Variants in DNAH10 observed in about 807,000 individuals in gnomAD.
DNAH10 encodes the protein axonemal beta dynein heavy chain 10.
Under a neutral mutation model 506.6 loss-of-function variants are expected in DNAH10, and 348 were observed. That is an observed-to-expected ratio of 0.69 (90% CI 0.63 to 0.75). DNAH10 has a LOEUF of 0.75. DNAH10 is among the 30% of genes least tolerant of loss of function. The probability of loss-of-function intolerance (pLI) is 0.00; values close to 1 mark genes in which losing one functional copy is unlikely to be tolerated. For synonymous variants in DNAH10, 2,059 were observed against 2,198.6 expected (o/e 0.94, Z 1.78); for missense variants, 5,179 against 5,787.1 (o/e 0.89, Z 3.41).
At chr12:123,837,744 TAA>T in intron 28 of DNAH10, among the ~76,000 whole-genome samples, 1 of 144,618 alleles carries the variant, frequency 6.9e-6, no homozygotes, top group Middle Eastern at 3.5e-3. Context: ...CCGGCTAACT[TAA>T]AAAAAAAAAA....
chr12:123,818,698 T>A (rs1375358013), intron 21 of DNAH10, among the ~76,000 whole-genome samples: 1 of 152,134 alleles, frequency 6.6e-6, no homozygotes, highest in African/African-American at 2.4e-5. Flanking sequence ...CCCAGGCTGG[T>A]CTCAAACTCC....
rs781403306 is a variant in DNAH10, at chr12:123,879,269, A to G, written c.8378A>G (p.Gln2793Arg). The G allele has an allele frequency of 5.7e-6, 9 of 1,572,956 alleles. No homozygotes were observed. The highest frequency in any genetic ancestry group is 7.8e-6 in the Non-Finnish European group (9 of 1,158,502). ...GLVLTNPERF[Q>R]TVAQMVRVWR... Reference sequence around the variant, plus strand: ...TTGTCCCTTCCATTCTGCAGATTCCAGACGGTGGCCCAGATGGTGAGAGTC... The same window carrying G: ...TTGTCCCTTCCATTCTGCAGATTCCGGACGGTGGCCCAGATGGTGAGAGTC... Residue 2793 changes from glutamine to arginine, a missense_variant, in exon 49 of 79, where the codon CAG (glutamine) becomes CGG (arginine). Coordinates refer to ENST00000673944, the MANE Select transcript of DNAH10 (RefSeq NM_001372106.1).
intron 52 of DNAH10, 51 bp downstream of exon 52, chr12:123,887,364 AG>A (rs1413328293): frequency 1.3e-6 from 2 of 1,568,138 alleles, no homozygotes; most frequent in Non-Finnish European, 1.7e-6. Context: ...TCAGCTCTTA[AG>A]GGAGTTCACT....
rs575594327 is a variant in DNAH10, at chr12:123,792,105, C to G, written c.1816-1837C>G. ...TCCCATTTGCCTCTCTGTCATCTAA[C>G]ACAGTTTCTTCATAACTTTTAGTTA... On this transcript the variant is annotated intron_variant, in intron 11 of 78. Coordinates refer to ENST00000673944, the MANE Select transcript of DNAH10 (RefSeq NM_001372106.1). 7.2e-5 allele frequency among the ~76,000 whole-genome samples: 11 copies of G among 152,312 alleles called. No homozygotes were observed. In the South Asian group the frequency reaches 1.9e-3, roughly 26 times the overall value.
In DNAH10 at chr12:123,935,349, C is replaced by G; in HGVS notation, c.13638C>G (p.Thr4546=). ...TTCCCTTGCAGAATACTTTCCGGAC[C>G]CCCGTCTACACCACCTCCATGAGAA... The part of the protein sequence containing the change: ...HRLKLQNTFR[T]PVYTTSMRRN... Residue 4546 remains threonine (T), a synonymous_variant, in exon 79 of 79, where the codon ACC becomes ACG. Transcript: ENST00000673944. The G allele has an allele frequency of 1.2e-6, 2 of 1,605,204 alleles. No individual in the cohort carries two copies. The highest frequency in any genetic ancestry group is 1.7e-6 in the Non-Finnish European group (2 of 1,172,322).
chr12:123,838,388 G>T, intron 28 of DNAH10, 68 bp from the exon 29 acceptor site: 1 of 1,432,678 alleles, frequency 7.0e-7, no homozygotes, highest in Non-Finnish European at 9.6e-7. Context: ...GCCTGTTCTG[G>T]GCTCAAGAAC....
chr12:123,858,490 A>G (rs1378523210), intron 37 of DNAH10, among the ~76,000 whole-genome samples: 1 of 152,214 alleles, frequency 6.6e-6, no homozygotes, highest in Non-Finnish European at 1.5e-5. Context: ...TGGAAGGAAT[A>G]TAAAATGGTG....
Position 123,914,835 on chromosome 12 carries a change from A to G in DNAH10, c.10575-17A>G, listed in dbSNP as rs370332816. On this transcript the variant is annotated splice_polypyrimidine_tract_variant and intron_variant, in intron 61 of 78. Coordinates refer to ENST00000673944, the MANE Select transcript of DNAH10 (RefSeq NM_001372106.1). ...ATTGGTGAGAAAAATTCATTTCCCA[A>G]TGGCTGTTTCTTCCAGATGGGGATC... 311 of 1,611,420 alleles carry G rather than the reference A, an allele frequency of 1.9e-4. No homozygotes were observed. Among genetic ancestry groups the G allele is most frequent in the Non-Finnish European group, 2.3e-4 (273 of 1,179,066 alleles).
chr12:123,790,520 A>C (rs1958039172), intron 11 of DNAH10, among the ~76,000 whole-genome samples: 1 of 152,184 alleles, frequency 6.6e-6, no homozygotes. Context: ...GATTGGAAAC[A>C]ACCTTTGGGA....
At chr12:123,820,392 C>G (rs891626601) in intron 23 of DNAH10, among the ~76,000 whole-genome samples, 188 bp from the exon 24 acceptor site, 2 of 152,164 alleles carry the variant, frequency 1.3e-5, no homozygotes, top group African/African-American at 4.8e-5. Context: ...AATTTTCTAA[C>G]TGGAGGAGAC....
At chr12:123,814,959 G>A (rs530861258) in intron 21 of DNAH10, among the ~76,000 whole-genome samples, 3 of 152,210 alleles carry the variant, frequency 2.0e-5, no homozygotes, top group South Asian at 4.2e-4. Context: ...CCTGGTTTAC[G>A]TCACAGAAAT....
intron 28 of DNAH10, among the ~76,000 whole-genome samples, chr12:123,836,858 CT>C (rs879460188): frequency 1.1e-3 from 160 of 144,372 alleles, no homozygotes; most frequent in Non-Finnish European, 8.3e-4. Context: ...GTCTCTCTCT[CT>C]TTTTTTTTTT....
intron 28 of DNAH10, among the ~76,000 whole-genome samples, chr12:123,836,792 G>C (rs1237714531): frequency 6.6e-6 from 1 of 152,044 alleles, no homozygotes; most frequent in East Asian, 1.9e-4. Flanking sequence ...GGCCGAGGTG[G>C]GCGATCACTT....
chr12:123,847,993 C>T lies in DNAH10; in HGVS notation c.5847C>T (p.Ala1949=), dbSNP rs749292496. Residue 1949 remains alanine (A), a synonymous_variant, in exon 33 of 79, where the codon GCC becomes GCT. Transcript: ENST00000673944. Reference sequence around the variant, plus strand: ...CCATGTATCTAGGTGGGGCCCCCGCCGGCCCAGCAGGAACCGGCAAAACCG... The same window carrying T: ...CCATGTATCTAGGTGGGGCCCCCGCTGGCCCAGCAGGAACCGGCAAAACCG... ...ALSMYLGGAP[A]GPAGTGKTET... The T allele has an allele frequency of 1.5e-5, 24 of 1,613,618 alleles. No individual in the cohort carries two copies. The highest frequency in any genetic ancestry group is 1.1e-4 in the East Asian group (5 of 44,872).
At chr12:123,881,885 TGGAACAA>T (rs1952527074) in intron 51 of DNAH10, 72 bp downstream of exon 51, 1 of 1,349,272 alleles carries the variant, frequency 7.4e-7, no homozygotes, top group African/African-American at 1.5e-5. Context: ...GTGTACATAT[TGGAACAA>T]TCCACAGCAG....
intron 52 of DNAH10, among the ~76,000 whole-genome samples, chr12:123,890,058 G>T (rs1952909986): frequency 6.6e-6 from 1 of 152,178 alleles, no homozygotes; most frequent in South Asian, 2.1e-4. Flanking sequence ...CACATCCACA[G>T]AGTCCTTTTT....
rs757407095 is a variant in DNAH10 at position 123,774,137 on chromosome 12, GTTC to G, written c.506-6_506-4del. 4 of 1,582,868 alleles carry G rather than the reference GTTC, an allele frequency of 2.5e-6. No homozygotes were observed. The highest frequency in any genetic ancestry group is 1.8e-5 in the Admixed American group (1 of 54,676). ...CCCACTGACCTTACATTCTACACCT[GTTC>G]TTCTTTAGAGGCAATCTCTGAAGCT... On this transcript the variant is annotated splice_polypyrimidine_tract_variant and intron_variant, in intron 4 of 78. Coordinates refer to ENST00000673944, the MANE Select transcript of DNAH10 (RefSeq NM_001372106.1).
chr12:123,833,570 GA>G (rs1432196508), intron 27 of DNAH10, among the ~76,000 whole-genome samples: 2 of 152,144 alleles, frequency 1.3e-5, no homozygotes, highest in African/African-American at 4.8e-5. Context: ...TCATTTCCAA[GA>G]TTCCTAATTG....
Position 123,845,692 on chromosome 12 carries a change from C to T in DNAH10, c.5453C>T (p.Ala1818Val), listed in dbSNP as rs150137374. The T allele has an allele frequency of 4.5e-4, 729 of 1,613,532 alleles. 4 individuals are homozygous for T. The African/African-American group carries it at 8.4e-3, about 19-fold the overall frequency. The change falls in exon 31 of 79, where the codon GCG becomes GTG. Residue 1818 changes from alanine to valine, a missense_variant. Coordinates refer to ENST00000673944, the MANE Select transcript of DNAH10 (RefSeq NM_001372106.1). ...TWEVEDVFHK[A>V]QKGEKQAMKN... ...GAGGTGGAAGACGTCTTCCACAAAGCGCAAAAAGGGGAGAAGCAGGCCATG... is the reference window on the plus strand; with the variant it reads ...GAGGTGGAAGACGTCTTCCACAAAGTGCAAAAAGGGGAGAAGCAGGCCATG...
Sources: allele counts gnomAD v4.1 joint callset (sites outside exome capture counted in the v4.1 genomes callset), GRCh38; gene constraint gnomAD v4.1.1; transcripts MANE v1.5; gene names NCBI Gene and HGNC (gene_info 2026-07-23, HGNC 2026-07-21).